PWWP2A: variants seen among roughly 807,000 people sequenced by gnomAD.
The protein encoded by PWWP2A is PWWP domain-containing protein 2A.
PWWP2A carries 18 observed loss-of-function variants against 48.5 expected under a neutral mutation model. The ratio of observed to expected loss-of-function variants is 0.37; its 90% CI spans 0.26 to 0.55. PWWP2A has a LOEUF of 0.55. Ranked by LOEUF, PWWP2A falls within the 20% of genes least tolerant of loss-of-function variation. The pLI is 0.81. For synonymous variants in PWWP2A, 396 were observed against 387.7 expected (o/e 1.02, Z -0.25); for missense variants, 867 against 976.4 (o/e 0.89, Z 1.49).
At chr5:160,065,075 C>T in intron 4 of PWWP2A, 1 of 1,606,954 alleles carries the variant, frequency 6.2e-7, no homozygotes, top group Non-Finnish European at 8.5e-7. Flanking sequence ...ACAAAGATAA[C>T]AAAAGCTTTA....
At chr5:160,069,543 G>A (rs1027860305) in intron 2 of PWWP2A, among the ~76,000 whole-genome samples, 5 of 152,086 alleles carry the variant, frequency 3.3e-5, no homozygotes, top group Admixed American at 2.6e-4. Flanking sequence ...AGTGAATCCA[G>A]TAATCATACC....
downstream of PWWP2A, chr5:160,091,138 A>G: frequency 2.0e-6 from 2 of 980,528 alleles, no homozygotes; most frequent in Non-Finnish European, 2.4e-6. Context: ...TCAAACCTCT[A>G]TACTACAAAA....
chr5:160,090,979 CAT>C (rs1354849070), downstream of PWWP2A: 1 of 985,062 alleles, frequency 1.0e-6, no homozygotes, highest in Non-Finnish European at 1.2e-6. Context: ...AGCAGTGATA[CAT>C]GAGGCAGAAA....
intron 4 of PWWP2A, chr5:160,065,665 A>G (rs1170218591): frequency 1.4e-5 from 4 of 283,524 alleles, no homozygotes; most frequent in Non-Finnish European, 2.8e-5. Context: ...AGATCTGCCC[A>G]AAGTTTTTGT....
intron 2 of PWWP2A, among the ~76,000 whole-genome samples, chr5:160,070,178 A>G (rs944593543): frequency 1.3e-5 from 2 of 152,134 alleles, no homozygotes; most frequent in African/African-American, 2.4e-5. Context: ...CCATTTTTCT[A>G]AGAACTAGCT....
intron 1 of PWWP2A, among the ~76,000 whole-genome samples, chr5:160,098,873 T>C (rs532444118): frequency 6.6e-6 from 1 of 151,948 alleles, no homozygotes; most frequent in Non-Finnish European, 1.5e-5. Context: ...GAGGCCGAGG[T>C]TGCAGTGAGC....
intron 3 of PWWP2A, among the ~76,000 whole-genome samples, chr5:160,079,328 A>G (rs1249517563): frequency 6.6e-6 from 1 of 151,920 alleles, no homozygotes; most frequent in Non-Finnish European, 1.5e-5. Context: ...CCTACAAAAT[A>G]CATTTCACTG....
At chr5:160,086,844 C>T (rs1439187641), downstream of PWWP2A, among the ~76,000 whole-genome samples, 2 of 152,214 alleles carry the variant, frequency 1.3e-5, no homozygotes, top group Admixed American at 6.5e-5. Context: ...AATTAAACTA[C>T]TTTCCAAGTT....
At chr5:160,096,825 T>C (rs1310642915) in intron 1 of PWWP2A, among the ~76,000 whole-genome samples, 1 of 152,164 alleles carries the variant, frequency 6.6e-6, no homozygotes, top group Non-Finnish European at 1.5e-5. Flanking sequence ...AACTAAACCA[T>C]ACTTATCTTA....
chr5:160,113,170 AG>A (rs1407300547), intron 1 of PWWP2A: 35 of 927,120 alleles, frequency 3.8e-5, no homozygotes, highest in Non-Finnish European at 4.4e-5. Flanking sequence ...AAAAAAAAAA[AG>A]AAAAAAAGCC....
At chr5:160,074,517 C>T (rs1753821086), downstream of PWWP2A, among the ~76,000 whole-genome samples, 1 of 152,118 alleles carries the variant, frequency 6.6e-6, no homozygotes, top group African/African-American at 2.4e-5. Flanking sequence ...GAAGCCGAGG[C>T]AGGCGGATCA....
At chr5:160,087,698 T>C (rs544893331), downstream of PWWP2A, among the ~76,000 whole-genome samples, 60 of 152,288 alleles carry the variant, frequency 3.9e-4, no homozygotes, top group South Asian at 2.1e-3. Context: ...AGATGATAAA[T>C]TTTACATCTA....
At chr5:160,111,594 A>T (rs1757581497) in intron 1 of PWWP2A, among the ~76,000 whole-genome samples, 1 of 152,074 alleles carries the variant, frequency 6.6e-6, no homozygotes, top group South Asian at 2.1e-4. Flanking sequence ...TGATCACACG[A>T]CTGCACTCCA....
the PWWP2A span, among the ~76,000 whole-genome samples, chr5:160,050,403 C>T: frequency 2.6e-5 from 4 of 151,978 alleles, no homozygotes; most frequent in Admixed American, 6.6e-5. Flanking sequence ...GCTGAGATTG[C>T]GCCACTGCAC....
At chr5:160,071,513 T>C (rs533193897), downstream of PWWP2A, among the ~76,000 whole-genome samples, 1 of 152,328 alleles carries the variant, frequency 6.6e-6, no homozygotes, top group East Asian at 1.9e-4. Context: ...AGGGAAAGGC[T>C]ATGATTAAGA....
chr5:160,053,404 C>G, the PWWP2A span, among the ~76,000 whole-genome samples: 2 of 151,874 alleles, frequency 1.3e-5, no homozygotes, highest in African/African-American at 4.8e-5. Context: ...AAAATCCTGT[C>G]ACTAAAAAAA....
In PWWP2A at chr5:160,119,197, G is replaced by C; in HGVS notation, c.192C>G (p.Asp64Glu). 1 of 1,462,618 alleles carries C rather than the reference G, an allele frequency of 6.8e-7. No individual in the cohort carries two copies. Among genetic ancestry groups the C allele is most frequent in the Non-Finnish European group, 8.9e-7 (1 of 1,121,164 alleles). The allele number at this position is 1,462,618 out of a possible 1,614,324, so 90.6% of individuals were successfully genotyped here. ...GCGGTGGCGGCGGGAGCGGCGGCTC[G>C]TCGGCCTGAGGAGCGGATTGCTGCC... The part of the protein sequence containing the change: ...TDGQQSAPQA[D>E]EPPLPPPPPP... The change falls in exon 1 of 2, where the codon GAC (aspartate) becomes GAG (glutamate). Residue 64 changes from aspartate (D) to glutamate (E), a missense_variant. This residue lies in a region of PWWP2A where 385 missense variants were observed against 396.9 expected (regional missense o/e 0.97). Coordinates refer to ENST00000307063, the MANE Select transcript of PWWP2A (RefSeq NM_001130864.2).
At position 160,093,947 on chromosome 5, in the gene PWWP2A, C is replaced by T. The variant is rs1755349735; in HGVS notation, c.703G>A (p.Ala235Thr). Residue 235 changes from alanine to threonine, a missense_variant, in exon 2 of 2, where the codon GCA (alanine) becomes ACA (threonine). By Grantham distance (58) the Ala-to-Thr change is moderately conservative. Transcript: ENST00000307063. This position sits in a 1 kb window ranked among gnomAD's most constrained non-coding sequence, Gnocchi z 5.8. ...GGGTCATCGGGAACAGCACCATTTG[C>T]TTCACACTTGACTTCTGTCCCTTCT... is the stretch of plus-strand genomic sequence containing the variant. ...FQEGTEVKCEANGAVPDDPSP... is the reference protein window; with the variant it reads ...FQEGTEVKCETNGAVPDDPSP... 6.2e-7 allele frequency: 1 copy of T among 1,614,032 alleles called. No individual in the cohort carries two copies. Among genetic ancestry groups the T allele is most frequent in the Non-Finnish European group, 8.5e-7 (1 of 1,179,896 alleles).
downstream of PWWP2A, among the ~76,000 whole-genome samples, chr5:160,058,142 T>C (rs1255344825): frequency 2.0e-5 from 3 of 152,190 alleles, no homozygotes; most frequent in Non-Finnish European, 4.4e-5. Flanking sequence ...GGAGATTCCA[T>C]CTCAAGAAAC....
Sources: gnomAD v4.1 joint callset for allele counts (sites outside exome capture counted in the v4.1 genomes callset) on GRCh38, gnomAD v4.1.1 for gene constraint, gnomAD v4.1.1 regional missense constraint, Gnocchi (gnomAD v3.1) non-coding constraint, MANE v1.5 for transcripts, NCBI Gene and HGNC (gene_info 2026-07-23, HGNC 2026-07-21) for gene names.